SNX29: variants seen among roughly 807,000 people sequenced by gnomAD.
The protein encoded by SNX29 is sorting nexin-29.
SNX29 carries 78 observed loss-of-function variants against 102.1 expected under a neutral mutation model. The observed-to-expected ratio is 0.76, with a 90% CI of 0.64 to 0.92. The LOEUF is 0.92. Among genes scored for constraint, SNX29 ranks in the 40% least tolerant of loss-of-function variants. The pLI is 0.00. For missense variants in SNX29, 1,280 were observed against 1,061.7 expected, an observed-to-expected ratio of 1.21 and a Z score of -2.86; for synonymous variants, 580 against 414.5, an observed-to-expected ratio of 1.40 and a Z score of -4.85.
At position 12,569,448 on chromosome 16, in the gene SNX29, C is replaced by T. The variant is rs1197790337; in HGVS notation, c.*819C>T. On this transcript the variant is annotated 3_prime_UTR_variant, in exon 21 of 21. Transcript: ENST00000566228. ...CAGCGTGTCCAAAGTAGCATTGGCC[C>T]TACAGTCATGAGAGACTTGGGTCAG... The T allele has an allele frequency of 4.3e-6, 1 of 231,042 alleles. No individual in the cohort carries two copies. Among genetic ancestry groups the T allele is most frequent in the Non-Finnish European group, 8.6e-6 (1 of 116,756 alleles). The allele number at this position is 231,042 out of a possible 1,614,324, so 14.3% of individuals were successfully genotyped here. A position where few individuals can be genotyped will look rare whatever the true frequency, so the allele number is the denominator to read the frequency against.
At chr16:12,169,428 G>T (rs1397191537) in intron 13 of SNX29, among the ~76,000 whole-genome samples, 1 of 152,198 alleles carries the variant, frequency 6.6e-6, no homozygotes, top group Non-Finnish European at 1.5e-5. Flanking sequence ...TGTGGGTCTT[G>T]TCAGTGGGCA....
At chr16:12,379,398 C>T (rs1278083774) in intron 16 of SNX29, among the ~76,000 whole-genome samples, 1 of 152,220 alleles carries the variant, frequency 6.6e-6, no homozygotes, top group Admixed American at 6.5e-5. Context: ...ATTGGGATTA[C>T]AGGCGTGAGC....
At chr16:12,422,373 T>C (rs1390461602) in intron 18 of SNX29, among the ~76,000 whole-genome samples, 6 of 152,190 alleles carry the variant, frequency 3.9e-5, no homozygotes, top group African/African-American at 1.2e-4. Context: ...AGCCCTTGTG[T>C]ATCTGTTTCC....
chr16:12,130,073 C>A (rs920414415), intron 13 of SNX29, among the ~76,000 whole-genome samples: 1 of 151,436 alleles, frequency 6.6e-6, no homozygotes, highest in Non-Finnish European at 1.5e-5. Context: ...CACTGCATTC[C>A]AGCCTGGGTG....
intron 20 of SNX29, chr16:12,527,434 A>T: frequency 9.2e-6 from 4 of 434,984 alleles, no homozygotes; most frequent in Non-Finnish European, 1.3e-5. Flanking sequence ...ATTTTGACAG[A>T]TTTTCTCCTT....
intron 10 of SNX29, among the ~76,000 whole-genome samples, chr16:12,074,660 C>G (rs980698668): frequency 6.6e-4 from 101 of 152,002 alleles, no homozygotes; most frequent in Admixed American, 4.6e-4. Flanking sequence ...TGCTCTTCTC[C>G]AGGAGTATCT....
chr16:12,204,675 G>T (rs2077001474), intron 14 of SNX29, among the ~76,000 whole-genome samples: 1 of 152,242 alleles, frequency 6.6e-6, no homozygotes, highest in African/African-American at 2.4e-5. Context: ...AGATGAGGGA[G>T]GCTTGGGAGC....
At chr16:12,543,010 C>T (rs144120679) in intron 20 of SNX29, among the ~76,000 whole-genome samples, 110 of 152,244 alleles carry the variant, frequency 7.2e-4, no homozygotes, top group African/African-American at 2.6e-3. Context: ...ACTTGGCTAG[C>T]TTCAGGAATG....
At chr16:12,075,996 C>T (rs539441030) in intron 10 of SNX29, among the ~76,000 whole-genome samples, 12 of 152,316 alleles carry the variant, frequency 7.9e-5, no homozygotes, top group Admixed American at 2.6e-4. Flanking sequence ...TCTCCTCACG[C>T]GCTGTTTCCT....
intron 20 of SNX29, among the ~76,000 whole-genome samples, chr16:12,551,916 CCA>C (rs918422366): frequency 1.3e-5 from 2 of 152,208 alleles, no homozygotes; most frequent in Admixed American, 6.5e-5. Context: ...CTATACCCTA[CCA>C]CACAGAGCCA....
At chr16:12,565,492 C>G (rs2078961763) in intron 20 of SNX29, among the ~76,000 whole-genome samples, 1 of 152,202 alleles carries the variant, frequency 6.6e-6, no homozygotes, top group Non-Finnish European at 1.5e-5. Flanking sequence ...CCCCTGCCTC[C>G]AAGCCTGTGT....
chr16:12,485,628 G>A (rs1195824732), intron 19 of SNX29, among the ~76,000 whole-genome samples: 19 of 152,130 alleles, frequency 1.2e-4, no homozygotes, highest in Admixed American at 9.2e-4. Context: ...AGGTGGGAGC[G>A]AGTGGACCTC....
intron 20 of SNX29, among the ~76,000 whole-genome samples, chr16:12,561,579 T>C (rs1021998138): frequency 3.3e-5 from 5 of 152,044 alleles, no homozygotes; most frequent in African/African-American, 1.2e-4. Flanking sequence ...GTCCGATTAA[T>C]GTCAGCCGCA....
intron 13 of SNX29, among the ~76,000 whole-genome samples, chr16:12,144,670 G>T (rs990578783): frequency 5.9e-5 from 9 of 152,238 alleles, no homozygotes; most frequent in African/African-American, 1.9e-4. Context: ...AAATTACCCA[G>T]CCTCAGGTAT....
intron 14 of SNX29, among the ~76,000 whole-genome samples, chr16:12,268,779 T>C (rs1039072324): frequency 1.3e-5 from 2 of 152,296 alleles, no homozygotes; most frequent in East Asian, 1.9e-4. Flanking sequence ...CTTGTTCACA[T>C]TGAAAGCAAA....
chr16:12,453,326 A>C (rs906029977), intron 18 of SNX29, among the ~76,000 whole-genome samples: 1 of 152,172 alleles, frequency 6.6e-6, no homozygotes, highest in African/African-American at 2.4e-5. Context: ...ACCACTGTAC[A>C]CTAGAGTAGG....
At chr16:12,200,868 C>T (rs988357326) in intron 14 of SNX29, among the ~76,000 whole-genome samples, 1 of 152,282 alleles carries the variant, frequency 6.6e-6, no homozygotes, top group Admixed American at 6.5e-5. Flanking sequence ...TTTTACTATA[C>T]GTACCAGGAC....
At chr16:12,026,020 A>T (rs1361394718) in intron 3 of SNX29, among the ~76,000 whole-genome samples, 1 of 152,182 alleles carries the variant, frequency 6.6e-6, no homozygotes, top group Admixed American at 6.5e-5. Flanking sequence ...AATAATGGGT[A>T]TGAAAATATT....
chr16:12,250,101 C>A (rs2078377739), intron 14 of SNX29, among the ~76,000 whole-genome samples: 1 of 152,164 alleles, frequency 6.6e-6, no homozygotes, highest in Admixed American at 6.5e-5. Context: ...GCAGGGAGAG[C>A]TTCCTGCAGG....
Sources: allele counts gnomAD v4.1 joint callset (sites outside exome capture counted in the v4.1 genomes callset), GRCh38; gene constraint gnomAD v4.1.1; transcripts MANE v1.5; gene names NCBI Gene and HGNC (gene_info 2026-07-23, HGNC 2026-07-21).